The following LUZP2 variants were observed in gnomAD, a reference collection of about 807,000 sequenced individuals.
LUZP2 encodes the protein leucine zipper protein 2.
Under a neutral mutation model 51.6 loss-of-function variants are expected in LUZP2, and 52 were observed. That is an observed-to-expected ratio of 1.01 (90% CI 0.81 to 1.27). The LOEUF is 1.27. Among genes scored for constraint, LUZP2 ranks in the 50% most tolerant of loss-of-function variants. LUZP2 has a pLI of 0.00. For missense variants in LUZP2, 436 were observed against 395.4 expected (o/e 1.10, Z -0.87); for synonymous variants, 154 against 137.3 (o/e 1.12, Z -0.85).
At chr11:24,697,529 C>T (rs2133901549) in intron 1 of LUZP2, among the ~76,000 whole-genome samples, 1 of 152,258 alleles carries the variant, frequency 6.6e-6, no homozygotes, top group South Asian at 2.1e-4. Flanking sequence ...ATTTTTAGGC[C>T]TAGGCCAAGA....
intron 5 of LUZP2, among the ~76,000 whole-genome samples, chr11:24,882,820 G>GGGAGGAAGAGAGGA (rs1852518042): frequency 4.0e-5 from 2 of 50,540 alleles, no homozygotes; most frequent in Non-Finnish European, 9.3e-5. Context: ...AGAAGGGAGG[G>GGGAGGAAGAGAGGA]AGGGAGGGAA....
intron 9 of LUZP2, among the ~76,000 whole-genome samples, chr11:25,020,860 G>C (rs921813418): frequency 6.6e-6 from 1 of 151,972 alleles, no homozygotes; most frequent in Non-Finnish European, 1.5e-5. Context: ...ACATGATAAT[G>C]TATATCCAAG....
chr11:24,956,969 A>T (rs999364452), intron 7 of LUZP2, among the ~76,000 whole-genome samples: 1 of 152,184 alleles, frequency 6.6e-6, no homozygotes, highest in Non-Finnish European at 1.5e-5. Context: ...CTAAAGTAAT[A>T]TTCCACAGAA....
intron 1 of LUZP2, among the ~76,000 whole-genome samples, chr11:24,576,256 C>G (rs1852642105): frequency 6.6e-6 from 1 of 150,930 alleles, no homozygotes; most frequent in Admixed American, 6.6e-5. Context: ...ACTAAAGATA[C>G]AAAAAAATTA....
chr11:24,622,468 C>T (rs1854531789), intron 1 of LUZP2, among the ~76,000 whole-genome samples: 1 of 152,086 alleles, frequency 6.6e-6, no homozygotes, highest in African/African-American at 2.4e-5. Context: ...GCCGTGGCTT[C>T]CCAAAGTGCG....
At chr11:25,020,268 ATCATTTGCTAGACC>A (rs1217799930) in intron 9 of LUZP2, among the ~76,000 whole-genome samples, 1 of 152,108 alleles carries the variant, frequency 6.6e-6, no homozygotes, top group Non-Finnish European at 1.5e-5. Context: ...TGCTACTAAT[ATCATTTGCTAGACC>A]TCTTTTTTTA....
chr11:25,075,791 G>A (rs1458986273), intron 10 of LUZP2, among the ~76,000 whole-genome samples: 1 of 152,084 alleles, frequency 6.6e-6, no homozygotes, highest in African/African-American at 2.4e-5. Flanking sequence ...GCAATATAGT[G>A]TGAGAATAGA....
chr11:25,036,255 G>A (rs996572868), intron 9 of LUZP2, among the ~76,000 whole-genome samples: 15 of 152,034 alleles, frequency 9.9e-5, no homozygotes, highest in Admixed American at 2.6e-4. Flanking sequence ...TCTAATTTGT[G>A]TGTATAGAGC....
intron 7 of LUZP2, among the ~76,000 whole-genome samples, chr11:24,959,819 T>A (rs547928922): frequency 1.0e-3 from 153 of 152,300 alleles, no homozygotes; most frequent in African/African-American, 3.4e-3. Flanking sequence ...AGGGCATCCC[T>A]GTCTTGTGCC....
In LUZP2 at chr11:24,667,919, T is replaced by G. The variant is rs1856270881; in HGVS notation, c.63-61250T>G. On this transcript the variant is annotated intron_variant, in intron 1 of 11. Coordinates refer to ENST00000336930, the MANE Select transcript of LUZP2 (RefSeq NM_001009909.4). ...GCAAACATTGAAAGAATGAGGGTAA[T>G]TCACATGATAGATATTTTCCTCTTG... 1.3e-5 allele frequency among the ~76,000 whole-genome samples: 2 copies of G among 152,172 alleles called. 1 individual carries two copies. Among genetic ancestry groups the G allele is most frequent in the South Asian group, 4.1e-4 (2 of 4,834 alleles).
chr11:24,778,489 A>G (rs1849004247), intron 5 of LUZP2, among the ~76,000 whole-genome samples: 1 of 152,170 alleles, frequency 6.6e-6, no homozygotes, highest in Non-Finnish European at 1.5e-5. Flanking sequence ...TAGAAATTAG[A>G]AAATCTCATA....
chr11:24,886,992 C>T (rs570732988), intron 5 of LUZP2, among the ~76,000 whole-genome samples: 16 of 152,200 alleles, frequency 1.1e-4, no homozygotes, highest in Admixed American at 1.0e-3. Flanking sequence ...TGGTGAATGT[C>T]CTAATGCCTA....
intron 9 of LUZP2, among the ~76,000 whole-genome samples, chr11:25,040,138 G>A (rs1275326553): frequency 6.6e-6 from 1 of 151,898 alleles, no homozygotes; most frequent in Non-Finnish European, 1.5e-5. Context: ...AATATATTTG[G>A]CAAACTTAAT....
chr11:24,615,045 T>A (rs1194257555), intron 1 of LUZP2, among the ~76,000 whole-genome samples: 2 of 152,016 alleles, frequency 1.3e-5, no homozygotes, highest in Non-Finnish European at 2.9e-5. Flanking sequence ...TCACAGGTAA[T>A]TTTGTTATTA....
At chr11:24,578,535 A>G (rs2133816683) in intron 1 of LUZP2, among the ~76,000 whole-genome samples, 1 of 150,628 alleles carries the variant, frequency 6.6e-6, no homozygotes, top group South Asian at 2.1e-4. Flanking sequence ...GAGTCACCCT[A>G]GGTGCCCAGT....
At chr11:24,791,761 T>G (rs886439364) in intron 5 of LUZP2, among the ~76,000 whole-genome samples, 22 of 152,120 alleles carry the variant, frequency 1.4e-4, no homozygotes, top group African/African-American at 4.8e-4. Context: ...AGAAGCAACA[T>G]TTTGATCTTT....
intron 1 of LUZP2, among the ~76,000 whole-genome samples, chr11:24,620,385 A>G (rs779773367): frequency 1.3e-5 from 2 of 152,120 alleles, no homozygotes; most frequent in Non-Finnish European, 2.9e-5. Context: ...TTGTCAAGGT[A>G]TTATATCTTT....
chr11:24,542,848 T>C (rs1021487180), intron 1 of LUZP2, among the ~76,000 whole-genome samples: 1 of 151,778 alleles, frequency 6.6e-6, no homozygotes, highest in African/African-American at 2.4e-5. Flanking sequence ...AATAAATCTG[T>C]AGCTATGGTT....
intron 1 of LUZP2, among the ~76,000 whole-genome samples, chr11:24,722,471 C>A (rs1188429404): frequency 2.0e-5 from 3 of 152,034 alleles, no homozygotes; most frequent in African/African-American, 7.2e-5. Context: ...AAAACCTGCC[C>A]CCATAATCCA....
Sources: allele counts gnomAD v4.1 joint callset (sites outside exome capture counted in the v4.1 genomes callset), GRCh38; gene constraint gnomAD v4.1.1; transcripts MANE v1.5; gene names NCBI Gene and HGNC (gene_info 2026-07-23, HGNC 2026-07-21).